The following TMC1 variants were observed in gnomAD, a reference collection of about 807,000 sequenced individuals.
TMC1 encodes transmembrane channel-like protein 1.
Under a neutral mutation model 105.8 loss-of-function variants are expected in TMC1, and 84 were observed. That is an observed-to-expected ratio of 0.79 (90% confidence interval 0.67 to 0.95). The LOEUF (loss-of-function observed/expected upper bound fraction) is 0.95, where lower values mean the gene tolerates loss of function less well. Ranked by LOEUF, TMC1 falls within the 40% of genes least tolerant of loss-of-function variation. TMC1 has a pLI of 0.00. For synonymous variants in TMC1, 315 were observed against 311.5 expected (o/e 1.01, Z -0.12); for missense variants, 817 against 914.1 (o/e 0.89, Z 1.37).
At chr9:72,719,298 C>T (rs1826975950) in intron 8 of TMC1, among the ~76,000 whole-genome samples, 1 of 152,194 alleles carries the variant, frequency 6.6e-6, no homozygotes, top group South Asian at 2.1e-4. Context: ...CAGCCCTCCT[C>T]AAGGACTCCT....
At chr9:72,545,959 A>AAC (rs1174785306) in intron 1 of TMC1, among the ~76,000 whole-genome samples, 2 of 151,860 alleles carry the variant, frequency 1.3e-5, no homozygotes, top group South Asian at 2.1e-4. Flanking sequence ...TCAAAAAAAA[A>AAC]ACAAACCTTC....
Position 72,595,154 on chromosome 9 carries a change from A to G in TMC1, c.-306+17131A>G, listed in dbSNP as rs140143804. Among the ~76,000 whole-genome samples the G allele has an allele frequency of 4.7e-3, 722 of 152,192 alleles. 7 individuals are homozygous for G. The highest frequency in any genetic ancestry group is 0.016 in the African/African-American group (684 of 41,530). On this transcript the variant is annotated intron_variant, in intron 2 of 23. Transcript: ENST00000297784. Reference sequence around the variant, plus strand: ...ATGCTGGAATTACAGGTGTGAGCCAACATGCCTGGCCTCCTCTGCTTCTGA... The same window carrying G: ...ATGCTGGAATTACAGGTGTGAGCCAGCATGCCTGGCCTCCTCTGCTTCTGA...
intron 2 of TMC1, among the ~76,000 whole-genome samples, chr9:72,591,674 A>G (rs1461339193): frequency 6.6e-6 from 1 of 152,192 alleles, no homozygotes; most frequent in African/African-American, 2.4e-5. Context: ...AGGCTCAAGC[A>G]ATCCTGCCAC....
At chr9:72,709,062 G>C (rs1478643119) in intron 8 of TMC1, among the ~76,000 whole-genome samples, 1 of 151,954 alleles carries the variant, frequency 6.6e-6, no homozygotes, top group African/African-American at 2.4e-5. Flanking sequence ...AGAAAGAAGA[G>C]AAAACCACCC....
chr9:72,581,435 T>G (rs986490498), intron 2 of TMC1, among the ~76,000 whole-genome samples: 1 of 152,222 alleles, frequency 6.6e-6, no homozygotes, highest in South Asian at 2.1e-4. Flanking sequence ...CTAACTGGAA[T>G]TGCAGTCAGT....
intron 2 of TMC1, among the ~76,000 whole-genome samples, chr9:72,591,772 G>A (rs920633145): frequency 2.0e-5 from 3 of 152,098 alleles, no homozygotes; most frequent in African/African-American, 4.8e-5. Flanking sequence ...GTCTCACTCT[G>A]TTGCCCAGGC....
At chr9:72,735,941 G>A (rs1015507656) in intron 8 of TMC1, among the ~76,000 whole-genome samples, 4 of 152,138 alleles carry the variant, frequency 2.6e-5, no homozygotes, top group Non-Finnish European at 5.9e-5. Context: ...TGGGCTATGG[G>A]GAGCAGGGAT....
chr9:72,760,705 T>C, intron 12 of TMC1, among the ~76,000 whole-genome samples: 1 of 152,112 alleles, frequency 6.6e-6, no homozygotes, highest in East Asian at 1.9e-4. Context: ...AGAAGCAGAA[T>C]AGATTTAAGA....
intron 1 of TMC1, among the ~76,000 whole-genome samples, chr9:72,524,421 A>G (rs1823369596): frequency 6.6e-6 from 1 of 152,218 alleles, no homozygotes; most frequent in African/African-American, 2.4e-5. Context: ...TGTTTGACCA[A>G]TGTTTATTAG....
At chr9:72,740,329 C>T in intron 9 of TMC1, 120 bp downstream of exon 9, 1 of 801,748 alleles carries the variant, frequency 1.2e-6, no homozygotes, top group Middle Eastern at 2.3e-4. Flanking sequence ...AATACTCATA[C>T]AGTATATACA....
chr9:72,785,215 T>G (rs1396405195), intron 13 of TMC1, among the ~76,000 whole-genome samples: 3 of 152,220 alleles, frequency 2.0e-5, no homozygotes, highest in Non-Finnish European at 4.4e-5. Flanking sequence ...TGCCTAAAAC[T>G]AAGGATAGCA....
intron 5 of TMC1, among the ~76,000 whole-genome samples, chr9:72,677,225 G>A (rs775618630): frequency 7.3e-5 from 11 of 151,716 alleles, no homozygotes; most frequent in Admixed American, 1.3e-4. Context: ...TTGAGAACCC[G>A]GAGTCCTCAT....
At chr9:72,776,977 C>G (rs1828016240) in intron 13 of TMC1, among the ~76,000 whole-genome samples, 1 of 151,802 alleles carries the variant, frequency 6.6e-6, no homozygotes, top group African/African-American at 2.4e-5. Flanking sequence ...GTTTTATGGC[C>G]TTGATGTGAC....
intron 2 of TMC1, among the ~76,000 whole-genome samples, chr9:72,606,992 T>TAGAGAG (rs1391567236): frequency 3.2e-5 from 3 of 93,092 alleles, no homozygotes; most frequent in African/African-American, 8.1e-5. Flanking sequence ...CATATATATA[T>TAGAGAG]ATATATATAT....
rs994793694 is a variant in TMC1 at position 72,686,374 on chromosome 9, AGG to A, written c.17-2333_17-2332del. 4.5e-4 allele frequency among the ~76,000 whole-genome samples: 69 copies of A among 152,314 alleles called. 2 individuals carry two copies. Among genetic ancestry groups the A allele is most frequent in the South Asian group, 1.5e-3 (7 of 4,822 alleles). ...TCTCAGACATTGTCTGAGAAAGGAAAGGGTTTGTAGCTCCCATTCAAGTATTC... is the reference window on the plus strand; with the variant it reads ...TCTCAGACATTGTCTGAGAAAGGAAAGTTTGTAGCTCCCATTCAAGTATTC... On this transcript the variant is annotated intron_variant, in intron 5 of 23. Coordinates refer to ENST00000297784, the MANE Select transcript of TMC1 (RefSeq NM_138691.3).
At chr9:72,787,816 A>G (rs57252056) in intron 13 of TMC1, among the ~76,000 whole-genome samples, 13,780 of 152,196 alleles carry the variant, frequency 0.091, 792 homozygotes, top group Non-Finnish European at 0.14. Flanking sequence ...AATGTACTCA[A>G]TGTAATCTCT....
chr9:72,823,285 G>A (rs1257909090), intron 20 of TMC1, among the ~76,000 whole-genome samples: 2 of 152,146 alleles, frequency 1.3e-5, no homozygotes, highest in Non-Finnish European at 2.9e-5. Flanking sequence ...TAGAAATGAG[G>A]TGAGAATGCT....
intron 8 of TMC1, among the ~76,000 whole-genome samples, chr9:72,736,772 G>A (rs556270132): frequency 6.6e-5 from 10 of 152,044 alleles, no homozygotes; most frequent in South Asian, 4.2e-4. Context: ...AAATTCTGCC[G>A]TAACATGATG....
chr9:72,638,687 G>T (rs1825574848), intron 4 of TMC1, among the ~76,000 whole-genome samples: 1 of 152,182 alleles, frequency 6.6e-6, no homozygotes, highest in Non-Finnish European at 1.5e-5. Flanking sequence ...AAATAAATGT[G>T]TAGAGAGTAA....
Sources: gnomAD v4.1 joint callset for allele counts (sites outside exome capture counted in the v4.1 genomes callset) on GRCh38, gnomAD v4.1.1 for gene constraint, MANE v1.5 for transcripts, NCBI Gene and HGNC (gene_info 2026-07-23, HGNC 2026-07-21) for gene names.